ENOX1: variants seen among roughly 807,000 people sequenced by gnomAD.
The protein encoded by ENOX1 is ecto-NOX disulfide-thiol exchanger 1.
ENOX1 carries 42 observed loss-of-function variants against 82.5 expected under a neutral mutation model. The observed-to-expected ratio is 0.51, with a 90% CI of 0.40 to 0.66. ENOX1 has a LOEUF of 0.66. Among genes scored for constraint, ENOX1 ranks in the 30% least tolerant of loss-of-function variants. ENOX1 has a pLI of 0.00. For missense variants in ENOX1, 608 were observed against 811.6 expected, an observed-to-expected ratio of 0.75 and a Z score of 3.05; for synonymous variants, 271 against 282.2, an observed-to-expected ratio of 0.96 and a Z score of 0.40.
rs1265293592 is a variant in ENOX1, at chr13:43,701,349, C to T, written c.-284-33805G>A. Among the ~76,000 whole-genome samples, 45 of 152,154 alleles carry T rather than the reference C, an allele frequency of 3.0e-4. 1 individual carries two copies. The highest frequency in any genetic ancestry group is 8.8e-5 in the Non-Finnish European group (6 of 67,992). On this transcript the variant is annotated intron_variant, in intron 1 of 16. Coordinates refer to ENST00000690772, the MANE Select transcript of ENOX1 (RefSeq NM_001347969.2). ...TCCTCAAAAGACTTAGATTGTTCAT[C>T]ACAGTATTTCAGATGACCACAGGTA...
At chr13:43,267,650 G>A (rs538383117) in intron 13 of ENOX1, among the ~76,000 whole-genome samples, 28 of 152,304 alleles carry the variant, frequency 1.8e-4, no homozygotes, top group South Asian at 1.0e-3. Context: ...GTGGAGGTGA[G>A]AGGTGTCATC....
At chr13:43,690,939 T>C (rs1315060708) in intron 1 of ENOX1, among the ~76,000 whole-genome samples, 3 of 152,242 alleles carry the variant, frequency 2.0e-5, no homozygotes, top group South Asian at 2.1e-4. Flanking sequence ...CATGTGTACA[T>C]AGCCTGTGAA....
chr13:43,745,732 G>A lies in ENOX1; in HGVS notation c.-285+40920C>T, dbSNP rs569555669. On this transcript the variant is annotated intron_variant, in intron 1 of 16. Transcript: ENST00000690772. Reference sequence around the variant, plus strand: ...GTGGTTCCCATAATCCCCAGATGTCGTGGGAGGGACCCAGTAGGGGGTGAT... The same window carrying A: ...GTGGTTCCCATAATCCCCAGATGTCATGGGAGGGACCCAGTAGGGGGTGAT... 4.1e-4 allele frequency among the ~76,000 whole-genome samples: 63 copies of A among 152,238 alleles called. No individual in the cohort carries two copies. In the South Asian group the frequency reaches 6.2e-3, roughly 15 times the overall value.
chr13:43,315,487 A>T (rs1381125894), intron 11 of ENOX1, among the ~76,000 whole-genome samples: 1 of 152,216 alleles, frequency 6.6e-6, no homozygotes, highest in Non-Finnish European at 1.5e-5. Context: ...AACAACAATA[A>T]AAAGCTTACA....
intron 2 of ENOX1, among the ~76,000 whole-genome samples, chr13:43,522,780 T>C (rs574895373): frequency 6.6e-6 from 1 of 152,284 alleles, no homozygotes; most frequent in African/African-American, 2.4e-5. Context: ...ATACAATTAC[T>C]ATCATGTCAT....
At chr13:43,423,286 T>TA (rs1021594609) in intron 3 of ENOX1, among the ~76,000 whole-genome samples, 26 of 146,052 alleles carry the variant, frequency 1.8e-4, no homozygotes, top group South Asian at 4.3e-4. Context: ...ACACAGACCA[T>TA]AAAAAAAAAA....
intron 2 of ENOX1, among the ~76,000 whole-genome samples, chr13:43,491,749 G>A (rs1359237782): frequency 6.6e-6 from 1 of 152,132 alleles, no homozygotes; most frequent in Non-Finnish European, 1.5e-5. Flanking sequence ...GCAACAGAGT[G>A]AGACTCCATC....
At chr13:43,768,686 G>T (rs1461640309) in intron 1 of ENOX1, among the ~76,000 whole-genome samples, 2 of 152,144 alleles carry the variant, frequency 1.3e-5, no homozygotes, top group East Asian at 3.9e-4. Flanking sequence ...CATATTTACA[G>T]CTTTAAAACA....
At chr13:43,507,330 A>G (rs2077210201) in intron 2 of ENOX1, among the ~76,000 whole-genome samples, 1 of 152,008 alleles carries the variant, frequency 6.6e-6, no homozygotes, top group Admixed American at 6.6e-5. Flanking sequence ...GGGCTCATCA[A>G]GAGGTAAACA....
At chr13:43,395,753 C>A (rs2053102949) in intron 5 of ENOX1, among the ~76,000 whole-genome samples, 1 of 152,144 alleles carries the variant, frequency 6.6e-6, no homozygotes, top group Non-Finnish European at 1.5e-5. Flanking sequence ...AGCATGGAGC[C>A]CAGCAGGAAG....
chr13:43,726,215 CTTTT>C (rs112974839), intron 1 of ENOX1, among the ~76,000 whole-genome samples: 4 of 135,492 alleles, frequency 3.0e-5, no homozygotes, highest in African/African-American at 8.2e-5. Flanking sequence ...AATTTTTCAT[CTTTT>C]TTTTTTTTTT....
chr13:43,360,136 G>A, intron 6 of ENOX1, 79 bp from the exon 7 acceptor site: 1 of 1,310,488 alleles, frequency 7.6e-7, no homozygotes, highest in Non-Finnish European at 1.1e-6. Context: ...ACTAAAGCTT[G>A]CAGAGTAACT....
chr13:43,426,854 A>C (rs980670433), intron 3 of ENOX1, among the ~76,000 whole-genome samples: 1 of 152,198 alleles, frequency 6.6e-6, no homozygotes, highest in Non-Finnish European at 1.5e-5. Flanking sequence ...AATAAGGTAG[A>C]TGTGACAGTG....
chr13:43,647,026 G>A (rs757256178), intron 2 of ENOX1, among the ~76,000 whole-genome samples: 7 of 152,142 alleles, frequency 4.6e-5, no homozygotes, highest in Non-Finnish European at 8.8e-5. Flanking sequence ...ACAAAACCAA[G>A]GAGGCCAATA....
chr13:43,325,696 T>TA lies in ENOX1; in HGVS notation c.1143+722dup, dbSNP rs201061242. Among the ~76,000 whole-genome samples, 1,045 of 152,052 alleles carry TA rather than the reference T, an allele frequency of 6.9e-3. 19 individuals are homozygous for TA. The highest frequency in any genetic ancestry group is 0.023 in the African/African-American group (964 of 41,498). On this transcript the variant is annotated intron_variant, in intron 10 of 16. Coordinates refer to ENST00000690772, the MANE Select transcript of ENOX1 (RefSeq NM_001347969.2). ...ATCCAAATGAAAAACATTCTTTCAT[T>TA]AAAAAAAAGAAGCAAAGACAGTATA... is the stretch of plus-strand genomic sequence containing the variant.
chr13:43,387,778 AC>A (rs1566093612), intron 5 of ENOX1, among the ~76,000 whole-genome samples: 1 of 152,092 alleles, frequency 6.6e-6, no homozygotes, highest in African/African-American at 2.4e-5. Context: ...ATATGTAAAT[AC>A]ATATATATAC....
At chr13:43,526,646 C>T (rs944561014) in intron 2 of ENOX1, among the ~76,000 whole-genome samples, 1 of 152,138 alleles carries the variant, frequency 6.6e-6, no homozygotes, top group Admixed American at 6.5e-5. Context: ...CCCACTCACA[C>T]TAACTGAAAG....
chr13:43,547,869 C>T (rs1377847846), intron 2 of ENOX1: 4 of 152,170 alleles, frequency 2.6e-5, no homozygotes, highest in South Asian at 2.1e-4. Context: ...AAAAGGGAGA[C>T]AGCTCTGACC....
Position 43,713,407 on chromosome 13 carries a change from C to T in ENOX1, c.-284-45863G>A, listed in dbSNP as rs149988285. On this transcript the variant is annotated intron_variant, in intron 1 of 16. Transcript: ENST00000690772. ...GTTGTGTCTCTGCCCGGCTTTGGTA[C>T]CAAGATGATGCTGGCCTCATAAAAT... 9.4e-3 allele frequency among the ~76,000 whole-genome samples: 1,429 copies of T among 151,876 alleles called. 31 individuals carry two copies. Among genetic ancestry groups the T allele is most frequent in the African/African-American group, 0.033 (1,349 of 41,268 alleles).
Sources: allele counts gnomAD v4.1 joint callset (sites outside exome capture counted in the v4.1 genomes callset), GRCh38; gene constraint gnomAD v4.1.1; transcripts MANE v1.5; gene names NCBI Gene and HGNC (gene_info 2026-07-23, HGNC 2026-07-21).